The following THSD7A variants were observed in gnomAD, a reference collection of about 807,000 sequenced individuals.
THSD7A encodes thrombospondin type-1 domain-containing protein 7A.
THSD7A carries 96 observed loss-of-function variants against 231.3 expected under a neutral mutation model. The observed-to-expected ratio is 0.41, with a 90% CI of 0.35 to 0.49. The LOEUF (loss-of-function observed/expected upper bound fraction) is 0.49. Among genes scored for constraint, THSD7A ranks in the 20% least tolerant of loss-of-function variants. THSD7A has a pLI of 0.05. For synonymous variants in THSD7A, 940 were observed against 743.3 expected (o/e 1.26, Z -4.30); for missense variants, 2,290 against 2,070.2 (o/e 1.11, Z -2.06).
rs1784906263 is a variant in THSD7A at position 11,444,697 on chromosome 7, C to G, written c.3064+1364G>C. 6.6e-6 allele frequency among the ~76,000 whole-genome samples: 1 copy of G among 151,058 alleles called. No homozygotes were observed. Among genetic ancestry groups the G allele is most frequent in the Non-Finnish European group, 1.5e-5 (1 of 67,820 alleles). On this transcript the variant is annotated intron_variant, in intron 13 of 27. Transcript: ENST00000423059. The surrounding 1 kb of genome is among the most constrained non-coding windows in gnomAD (Gnocchi z 4.2). ...GCAAACCACCATGGTACGTGTATACCTATGTTGCAAACCTGCACTTTCTGT... is the reference window on the plus strand; with the variant it reads ...GCAAACCACCATGGTACGTGTATACGTATGTTGCAAACCTGCACTTTCTGT...
At chr7:11,799,249 A>G (rs1784213343) in intron 1 of THSD7A, among the ~76,000 whole-genome samples, 1 of 152,156 alleles carries the variant, frequency 6.6e-6, no homozygotes, top group South Asian at 2.1e-4. Context: ...AAAATCACCA[A>G]GAAAGAATCA....
intron 1 of THSD7A, among the ~76,000 whole-genome samples, chr7:11,721,426 C>A (rs1443285206): frequency 1.3e-5 from 2 of 151,764 alleles, no homozygotes; most frequent in African/African-American, 2.4e-5. Flanking sequence ...CCTTCTCTAG[C>A]CATGTAAGAC....
intron 1 of THSD7A, among the ~76,000 whole-genome samples, chr7:11,674,942 C>T (rs553905326): frequency 1.6e-4 from 25 of 152,266 alleles, no homozygotes; most frequent in Admixed American, 6.5e-5. Flanking sequence ...TGAAAGATGA[C>T]ATAGCTATGT....
intron 1 of THSD7A, among the ~76,000 whole-genome samples, chr7:11,688,149 G>C (rs1780118761): frequency 6.7e-6 from 1 of 148,226 alleles, no homozygotes; most frequent in Admixed American, 7.0e-5. Flanking sequence ...CTATGAGTGA[G>C]AACATGCGGT....
chr7:11,704,116 G>A (rs1383977176), intron 1 of THSD7A, among the ~76,000 whole-genome samples: 4 of 151,026 alleles, frequency 2.6e-5, no homozygotes, highest in Non-Finnish European at 5.9e-5. Flanking sequence ...TCTCATTAGA[G>A]CTCTTTAATA....
intron 6 of THSD7A, among the ~76,000 whole-genome samples, chr7:11,490,958 A>C (rs937368533): frequency 6.6e-6 from 1 of 152,106 alleles, no homozygotes; most frequent in African/African-American, 2.4e-5. Context: ...GGCTATTTTC[A>C]TCACTCATCT....
chr7:11,777,165 A>G (rs770268094), intron 1 of THSD7A, among the ~76,000 whole-genome samples: 1 of 152,140 alleles, frequency 6.6e-6, no homozygotes, highest in Non-Finnish European at 1.5e-5. Flanking sequence ...TAAAAAGCCC[A>G]TTTCCTTTAC....
chr7:11,826,169 T>C (rs1785021705), intron 1 of THSD7A, among the ~76,000 whole-genome samples: 1 of 152,188 alleles, frequency 6.6e-6, no homozygotes, highest in African/African-American at 2.4e-5. Context: ...CTGTCAGTAA[T>C]AGTAATGTCC....
intron 1 of THSD7A, among the ~76,000 whole-genome samples, chr7:11,765,829 A>T (rs186433141): frequency 2.0e-5 from 3 of 152,282 alleles, no homozygotes; most frequent in Non-Finnish European, 4.4e-5. Context: ...ACTATCAGAA[A>T]ATAAATCCAA....
At chr7:11,385,874 C>G (rs750876981) in intron 23 of THSD7A, among the ~76,000 whole-genome samples, 1 of 152,014 alleles carries the variant, frequency 6.6e-6, no homozygotes, top group Non-Finnish European at 1.5e-5. Flanking sequence ...CCCCTTACCT[C>G]CACCCCCTCA....
chr7:11,625,615 A>G (rs1313532301), intron 2 of THSD7A, among the ~76,000 whole-genome samples: 1 of 152,110 alleles, frequency 6.6e-6, no homozygotes, highest in African/African-American at 2.4e-5. Context: ...GTAGAGGCCT[A>G]AAAAGAAGAA....
chr7:11,521,201 C>T (rs1021069891), intron 6 of THSD7A, among the ~76,000 whole-genome samples: 10 of 148,152 alleles, frequency 6.7e-5, no homozygotes, highest in Non-Finnish European at 1.5e-4. Flanking sequence ...AAGACAAATA[C>T]AGAACAGTCC....
At position 11,536,584 on chromosome 7, in the gene THSD7A, G is replaced by C. The variant is rs138083733; in HGVS notation, c.1822+4835C>G. Among the ~76,000 whole-genome samples, 207 of 152,268 alleles carry C rather than the reference G, an allele frequency of 1.4e-3. 2 individuals are homozygous for C. The highest frequency in any genetic ancestry group is 4.7e-3 in the African/African-American group (194 of 41,564). On this transcript the variant is annotated intron_variant, in intron 6 of 27. Transcript: ENST00000423059. ...ATAAGTCATGGTTATAGGTACAACT[G>C]TATGGTGAATCCTCCTAGTGAATCA...
In THSD7A at chr7:11,541,476, C is replaced by G; in HGVS notation, c.1765G>C (p.Gly589Arg). Residue 589 changes from glycine to arginine, a missense_variant, in exon 6 of 28, where the codon GGA becomes CGA. Transcript: ENST00000423059. ...TGCGTGCCTGGACCACACTCCTTTC[C>G]GTTATCTGGCTCGCAGTTTCCCAGT... ...VRLGNCEPDN[G>R]KECGPGTQVQ... 1.2e-6 allele frequency: 2 copies of G among 1,613,958 alleles called. No homozygotes were observed. Among genetic ancestry groups the G allele is most frequent in the Non-Finnish European group, 1.7e-6 (2 of 1,179,880 alleles).
chr7:11,626,285 A>G (rs1045144561), intron 2 of THSD7A, among the ~76,000 whole-genome samples: 1 of 152,148 alleles, frequency 6.6e-6, no homozygotes, highest in Non-Finnish European at 1.5e-5. Flanking sequence ...AATAGTAATT[A>G]TGCAATAATA....
chr7:11,769,153 A>ATATTTT, intron 1 of THSD7A, among the ~76,000 whole-genome samples: 20 of 27,644 alleles, frequency 7.2e-4, no homozygotes, highest in Non-Finnish European at 8.3e-4. Context: ...ATATATATAT[A>ATATTTT]TTTTTTTTTT....
intron 6 of THSD7A, among the ~76,000 whole-genome samples, chr7:11,528,021 G>C (rs571069925): frequency 6.6e-6 from 1 of 152,164 alleles, no homozygotes; most frequent in African/African-American, 2.4e-5. Flanking sequence ...AAAACAACTA[G>C]CTGGGCCTAG....
intron 1 of THSD7A, among the ~76,000 whole-genome samples, chr7:11,648,794 G>C (rs1335839364): frequency 6.6e-6 from 1 of 151,884 alleles, no homozygotes; most frequent in Non-Finnish European, 1.5e-5. Flanking sequence ...ACTCCTCATA[G>C]CCATTTTATC....
At chr7:11,409,243 T>C (rs1783694740) in intron 19 of THSD7A, among the ~76,000 whole-genome samples, 1 of 152,238 alleles carries the variant, frequency 6.6e-6, no homozygotes, top group Non-Finnish European at 1.5e-5. Context: ...GGTTTAACTC[T>C]AATTTTCCTC....
Sources: gnomAD v4.1 joint callset for allele counts (sites outside exome capture counted in the v4.1 genomes callset) on GRCh38, gnomAD v4.1.1 for gene constraint, Gnocchi (gnomAD v3.1) non-coding constraint, MANE v1.5 for transcripts, NCBI Gene and HGNC (gene_info 2026-07-23, HGNC 2026-07-21) for gene names.